BTK: variants seen among roughly 807,000 people sequenced by gnomAD.
BTK encodes Bruton tyrosine kinase.
A neutral mutation model predicts 57.4 loss-of-function variants in BTK; 5 were observed. The observed-to-expected ratio is 0.09, with a 90% confidence interval of 0.05 to 0.18. BTK has a LOEUF of 0.18. BTK is among the 10% of genes least tolerant of loss of function. The pLI, the probability that BTK is intolerant of heterozygous loss-of-function variation, is 1.00. For missense variants in BTK, 194 were observed against 501.2 expected, an observed-to-expected ratio of 0.39 and a Z score of 5.85; for synonymous variants, 154 against 174.3, an observed-to-expected ratio of 0.88 and a Z score of 0.92.
chrX:101,371,835 T>C, intron 3 of BTK, 134 bp from the exon 4 acceptor site: 1 of 537,776 alleles, frequency 1.9e-6, no homozygotes, highest in South Asian at 2.5e-5. Flanking sequence ...TAGTGATTAC[T>C]TTCTATAGGC....
intron 2 of BTK, 111 bp from the exon 3 acceptor site, chrX:101,374,745 T>G: frequency 1.5e-6 from 1 of 679,982 alleles, no homozygotes; most frequent in Non-Finnish European, 2.3e-6. Context: ...CACCAGGACC[T>G]GTCATGTGGG....
upstream of BTK, among the ~76,000 whole-genome samples, chrX:101,386,551 G>A (rs111262477): frequency 0.021 from 2,350 of 110,478 alleles, 51 homozygotes; most frequent in African/African-American, 0.072. Flanking sequence ...GATGCTGGGG[G>A]CTGGCAGACA....
chrX:101,386,968 C>G (rs1927628207), upstream of BTK, among the ~76,000 whole-genome samples: 1 of 111,166 alleles, frequency 9.0e-6, no homozygotes, highest in Admixed American at 9.6e-5. Flanking sequence ...ATGATTCCCC[C>G]AGGGATTCTC....
At chrX:101,370,855 C>T (rs1555980178) in intron 4 of BTK, among the ~76,000 whole-genome samples, 3 of 112,494 alleles carry the variant, frequency 2.7e-5, no homozygotes, top group African/African-American at 9.7e-5. Context: ...CAAACAATGT[C>T]ATCTTGTTGA....
chrX:101,373,092 A>G (rs904251808), intron 3 of BTK, among the ~76,000 whole-genome samples: 1 of 110,054 alleles, frequency 9.1e-6, no homozygotes, highest in African/African-American at 3.3e-5. Flanking sequence ...AGAAAATAAT[A>G]ATAATAATAA....
At chrX:101,350,980 T>C (rs1416511646) in intron 18 of BTK, among the ~76,000 whole-genome samples, 2 of 111,913 alleles carry the variant, frequency 1.8e-5, no homozygotes, top group Non-Finnish European at 3.8e-5. Context: ...TCAGAATTTC[T>C]GGAGAAAAGT....
chrX:101,363,660 C>T (rs1309997626), intron 5 of BTK, among the ~76,000 whole-genome samples: 1 of 104,897 alleles, frequency 9.5e-6, no homozygotes, highest in African/African-American at 3.5e-5. Context: ...GAGCCGAGAT[C>T]GCGCCACTGC....
In BTK at chrX:101,349,867, A is replaced by G. The variant is rs782396573; in HGVS notation, c.*18T>C. ...CTTGTGGAGAAGAGAAGTAGAACCA[A>G]GAAGCTTATTGGCGAGCTCAGGATT... On this transcript the variant is annotated 3_prime_UTR_variant, in exon 19 of 19. Coordinates refer to ENST00000308731, the MANE Select transcript of BTK (RefSeq NM_000061.3). The G allele has an allele frequency of 3.3e-6, 4 of 1,195,355 alleles. No individual in the cohort carries two copies. The highest frequency in any genetic ancestry group is 4.5e-6 in the Non-Finnish European group (4 of 881,024).
At chrX:101,356,511 T>C in intron 14 of BTK, 1 of 450,013 alleles carries the variant, frequency 2.2e-6, no homozygotes, top group East Asian at 3.7e-5. Context: ...TAAGGCTAAA[T>C]TAGAATATTT....
At chrX:101,359,406 G>A in intron 9 of BTK, 59 bp from the exon 10 acceptor site, 1 of 1,082,968 alleles carries the variant, frequency 9.2e-7, no homozygotes, top group Non-Finnish European at 1.3e-6. Context: ...GGAGGTTACA[G>A]CACCCTCCAG....
intron 5 of BTK, among the ~76,000 whole-genome samples, chrX:101,363,419 T>G (rs1164479370): frequency 9.0e-6 from 1 of 111,622 alleles, no homozygotes; most frequent in African/African-American, 3.3e-5. Flanking sequence ...AACCTTCACA[T>G]GAAGTCAATT....
chrX:101,349,746 C>T lies in BTK; in HGVS notation c.*139G>A. 1 of 522,742 alleles carries T rather than the reference C, an allele frequency of 1.9e-6. No individual in the cohort carries two copies. Among genetic ancestry groups the T allele is most frequent in the Non-Finnish European group, 3.3e-6 (1 of 300,131 alleles). The allele number at this position is 522,742 out of a possible 1,213,427, so 43.1% of individuals were successfully genotyped here. On this transcript the variant is annotated 3_prime_UTR_variant, in exon 19 of 19. Coordinates refer to ENST00000308731, the MANE Select transcript of BTK (RefSeq NM_000061.3). ...CAGGGAATCAAAGAAGAGGTGCATT[C>T]CCAGATGTAGAGAGGGGCCTTTTTG...
At position 101,356,165 on chromosome X, in the gene BTK, A is replaced by G; in HGVS notation, c.1453T>C (p.Tyr485His). Residue 485 changes from tyrosine (Y) to histidine (H), a missense_variant, in exon 15 of 19, where the codon TAC becomes CAC. Transcript: ENST00000308731. ...EYMANGCLLN[Y>H]LREMRHRFQT... ...AAGCGGTGGCGCATCTCCCTCAGGT[A>G]GTTCAGGAGGCAGCCATTGGCCATG... 8.3e-7 allele frequency: 1 copy of G among 1,211,456 alleles called. No individual in the cohort carries two copies. Among genetic ancestry groups the G allele is most frequent in the Non-Finnish European group, 1.1e-6 (1 of 895,404 alleles).
chrX:101,381,843 C>A (rs1203350775), intron 1 of BTK, among the ~76,000 whole-genome samples: 2 of 109,868 alleles, frequency 1.8e-5, no homozygotes, highest in African/African-American at 6.6e-5. Flanking sequence ...GCCAGCCTGA[C>A]CAACATGGAG....
Position 101,379,106 on chromosome X carries a change from G to A in BTK, c.-30-3792C>T, listed in dbSNP as rs371235910. 9.0e-4 allele frequency among the ~76,000 whole-genome samples: 97 copies of A among 107,361 alleles called. 1 individual carries two copies. The South Asian group carries it at 0.03, about 34-fold the overall frequency. The allele number at this position is 107,361 out of a possible 115,157, so 93.2% of individuals were successfully genotyped here. A position where few individuals can be genotyped will look rare whatever the true frequency, so the allele number is the denominator to read the frequency against. On this transcript the variant is annotated intron_variant, in intron 1 of 18. Transcript: ENST00000308731. ...GGAGAATCGCTTGAACTCGGGAGGCGGAGGTTGCAGTGAGCCAAGATCGTG... is the reference window on the plus strand; with the variant it reads ...GGAGAATCGCTTGAACTCGGGAGGCAGAGGTTGCAGTGAGCCAAGATCGTG...
Position 101,353,838 on chromosome X carries a change from G to T in BTK, c.1750+32C>A, listed in dbSNP as rs375718074. The T allele has an allele frequency of 3.5e-4, 368 of 1,055,629 alleles. 1 individual carries two copies. The highest frequency in any genetic ancestry group is 2.4e-3 in the Admixed American group (108 of 45,660). The allele number at this position is 1,055,629 out of a possible 1,213,427, so 87.0% of individuals were successfully genotyped here. The stretch of plus-strand genomic sequence containing the variant: ...TCCCATTGCATTTCTTATCCTTTGA[G>T]CTGTATAATCTGTGTAATCTTATCC... On this transcript the variant is annotated intron_variant, in intron 17 of 18. Transcript: ENST00000308731.
chrX:101,367,637 AAAATAAATAAATAAATAAAT>A (rs60295371), intron 5 of BTK, among the ~76,000 whole-genome samples: 30 of 102,220 alleles, frequency 2.9e-4, no homozygotes, highest in Middle Eastern at 9.7e-3. Flanking sequence ...ACTCCATCTC[AAAATAAATAAATAAATAAAT>A]AAATAAATAA....
intron 4 of BTK, among the ~76,000 whole-genome samples, chrX:101,371,083 T>C (rs992372400): frequency 8.9e-6 from 1 of 112,353 alleles, no homozygotes; most frequent in Admixed American, 9.5e-5. Flanking sequence ...ATTCACGACA[T>C]GTGGCCTACA....
chrX:101,365,823 G>A, intron 5 of BTK, among the ~76,000 whole-genome samples: 1 of 112,040 alleles, frequency 8.9e-6, no homozygotes, highest in South Asian at 3.7e-4. Context: ...TCAAGAATAA[G>A]TATAGGCAAA....
Sources: allele counts gnomAD v4.1 joint callset (sites outside exome capture counted in the v4.1 genomes callset), GRCh38; gene constraint gnomAD v4.1.1; transcripts MANE v1.5; gene names NCBI Gene and HGNC (gene_info 2026-07-23, HGNC 2026-07-21).